The following NOVA2 variants were observed in gnomAD, a reference collection of about 807,000 sequenced individuals.
NOVA2 encodes RNA-binding protein Nova-2.
In NOVA2, 9 loss-of-function variants were observed where a neutral mutation model predicts 22.5. That is an observed-to-expected ratio of 0.40 (90% confidence interval 0.24 to 0.70). The LOEUF is 0.70. Ranked by LOEUF, NOVA2 falls within the 30% of genes least tolerant of loss-of-function variation. The pLI is 0.38. For synonymous variants in NOVA2, 318 were observed against 335.2 expected, an observed-to-expected ratio of 0.95 and a Z score of 0.56; for missense variants, 383 against 682.8, an observed-to-expected ratio of 0.56 and a Z score of 4.89.
rs963148082 is a variant in NOVA2 at position 45,937,968 on chromosome 19, CAA to C, written c.*1893_*1894del. 1.3e-5 allele frequency: 2 copies of C among 151,958 alleles called. No homozygotes were observed. The highest frequency in any genetic ancestry group is 4.8e-5 in the African/African-American group (2 of 41,372). 9.4% of individuals were successfully genotyped at this position (151,958 alleles called of 1,614,324 possible). A position where few individuals can be genotyped will look rare whatever the true frequency, so the allele number is the denominator to read the frequency against. On this transcript the variant is annotated 3_prime_UTR_variant, in exon 4 of 4. Coordinates refer to ENST00000263257, the MANE Select transcript of NOVA2 (RefSeq NM_002516.4). ...AGAGACAAGGAGGCTGGATTTCCCC[CAA>C]AGTCATAGAGAAGAAAAGGGTTTGG...
intron 1 of NOVA2, among the ~76,000 whole-genome samples, chr19:45,963,368 TTG>T (rs1015902800): frequency 1.0e-4 from 15 of 149,878 alleles, no homozygotes; most frequent in African/African-American, 3.7e-4. Flanking sequence ...TGGCGACCCT[TTG>T]TGACTTGGCC....
intron 1 of NOVA2, among the ~76,000 whole-genome samples, 169 bp from the exon 2 acceptor site, chr19:45,961,322 G>T (rs529991637): frequency 6.6e-5 from 10 of 152,290 alleles, no homozygotes; most frequent in South Asian, 6.2e-4. Context: ...CACCTGCTAC[G>T]TGCCTGGCAC....
At chr19:45,941,586 C>T (rs1235610609) in intron 3 of NOVA2, among the ~76,000 whole-genome samples, 2 of 151,858 alleles carry the variant, frequency 1.3e-5, no homozygotes, top group Non-Finnish European at 2.9e-5. Flanking sequence ...TATGGTCCAA[C>T]TGGTTGTTAA....
At chr19:45,963,594 C>T (rs112687348) in intron 1 of NOVA2, among the ~76,000 whole-genome samples, 12,624 of 150,688 alleles carry the variant, frequency 0.084, 1,373 homozygotes, top group African/African-American at 0.24. Flanking sequence ...TGCAGTGGCG[C>T]GATCTCGGCT....
chr19:45,954,051 T>A, intron 2 of NOVA2, 105 bp from the exon 3 acceptor site: 1 of 1,245,340 alleles, frequency 8.0e-7, no homozygotes, highest in East Asian at 2.3e-5. Context: ...GTCCAGAGAG[T>A]GGACCTGACT....
At chr19:45,962,525 G>C (rs1465011464) in intron 1 of NOVA2, 3 of 152,526 alleles carry the variant, frequency 2.0e-5, no homozygotes, top group Non-Finnish European at 4.4e-5. Context: ...TCCACTCCTG[G>C]GGGGACCAAC....
rs1968221551 is a variant in NOVA2 at position 45,970,620 on chromosome 19, C to T, written c.85+2647G>A. Among the ~76,000 whole-genome samples the T allele has an allele frequency of 2.0e-5, 3 of 152,108 alleles. No individual in the cohort carries two copies. The South Asian group carries it at 6.2e-4, about 32-fold the overall frequency. On this transcript the variant is annotated intron_variant, in intron 1 of 3. Transcript: ENST00000263257. The stretch of plus-strand genomic sequence containing the variant: ...TGAACTCCTGACCTCAAATGATCCA[C>T]CCGCCTCAGCCTATCAAAGTGCTGG...
At chr19:45,966,457 G>A (rs1027321568) in intron 1 of NOVA2, among the ~76,000 whole-genome samples, 4 of 151,988 alleles carry the variant, frequency 2.6e-5, no homozygotes, top group East Asian at 1.9e-4. Flanking sequence ...TAGTAGAGAC[G>A]GGGTTTCACC....
intron 1 of NOVA2, among the ~76,000 whole-genome samples, chr19:45,963,074 G>C (rs1190482320): frequency 6.6e-6 from 1 of 152,000 alleles, no homozygotes; most frequent in Non-Finnish European, 1.5e-5. Flanking sequence ...ACACTTCTCA[G>C]TATAAGAAGA....
intron 2 of NOVA2, among the ~76,000 whole-genome samples, chr19:45,958,975 C>G (rs2146421083): frequency 6.6e-6 from 1 of 152,312 alleles, no homozygotes; most frequent in East Asian, 1.9e-4. Context: ...TGGGTCATCA[C>G]TGGTGTGACG....
At chr19:45,969,696 G>C (rs1568674232) in intron 1 of NOVA2, among the ~76,000 whole-genome samples, 1 of 151,924 alleles carries the variant, frequency 6.6e-6, no homozygotes, top group Non-Finnish European at 1.5e-5. Context: ...TAAGAGTTAC[G>C]ATCTGTATCA....
In NOVA2 at chr19:45,953,958, G is replaced by A. The variant is rs772097915; in HGVS notation, c.230-12C>T. 1.2e-6 allele frequency: 2 copies of A among 1,613,328 alleles called. No homozygotes were observed. The highest frequency in any genetic ancestry group is 2.7e-5 in the African/African-American group (2 of 74,896). ...CCGCTCTGTGGTTCCTGTTGAGCAA[G>A]GGAGAGAGAGGGCACACTCATGAGA... On this transcript the variant is annotated splice_polypyrimidine_tract_variant and intron_variant, in intron 2 of 3. Transcript: ENST00000263257.
At chr19:45,956,846 G>C (rs1968013296) in intron 2 of NOVA2, among the ~76,000 whole-genome samples, 1 of 152,196 alleles carries the variant, frequency 6.6e-6, no homozygotes, top group Admixed American at 6.5e-5. Context: ...CCGAGGCACA[G>C]AGAGGGCTCA....
chr19:45,940,575 G>T lies in NOVA2; in HGVS notation c.767C>A (p.Ala256Asp). ...AAAASGLLGP[A>D]GLAGVGAFPA... ...AAAGGCCCCCACGCCAGCCAGCCCG[G>T]CGGGGCCCAGCAGGCCGGAGGCGGC... Residue 256 changes from alanine to aspartate, a missense_variant, in exon 4 of 4, where the codon GCC becomes GAC. Transcript: ENST00000263257. 2.1e-6 allele frequency: 3 copies of T among 1,446,822 alleles called. No homozygotes were observed. The highest frequency in any genetic ancestry group is 2.7e-6 in the Non-Finnish European group (3 of 1,103,232). The allele number at this position is 1,446,822 out of a possible 1,614,324, so 89.6% of individuals were successfully genotyped here.
chr19:45,934,261 G>T lies in NOVA2; in HGVS notation c.*5602C>A, dbSNP rs1467185273. 1 of 152,316 alleles carries T rather than the reference G, an allele frequency of 6.6e-6. No homozygotes were observed. Among genetic ancestry groups the T allele is most frequent in the Non-Finnish European group, 1.5e-5 (1 of 68,152 alleles). 9.4% of individuals were successfully genotyped at this position (152,316 alleles called of 1,614,324 possible). ...ATTTAGCAATCGGTTCTCCAAAGAT[G>T]GCCCTGCAGCCTCCCCTGTCCCCCA... On this transcript the variant is annotated 3_prime_UTR_variant, in exon 4 of 4. Transcript: ENST00000263257.
rs1967624125 is a variant in NOVA2 at position 45,933,830 on chromosome 19, G to A, written c.*6033C>T. The A allele has an allele frequency of 6.6e-6, 1 of 151,224 alleles. No individual in the cohort carries two copies. The highest frequency in any genetic ancestry group is 2.4e-5 in the African/African-American group (1 of 41,120). 9.4% of individuals were successfully genotyped at this position (151,224 alleles called of 1,614,324 possible). ...TGGTGGGGGCTGGGGTGGGGGCCAT[G>A]GAAGCTAATACATGGTGCACTAGGT... On this transcript the variant is annotated 3_prime_UTR_variant, in exon 4 of 4. Coordinates refer to ENST00000263257, the MANE Select transcript of NOVA2 (RefSeq NM_002516.4).
intron 3 of NOVA2, among the ~76,000 whole-genome samples, chr19:45,953,097 C>T (rs1488907493): frequency 1.3e-5 from 2 of 152,322 alleles, no homozygotes; most frequent in East Asian, 3.9e-4. Context: ...CTTCCGGGTC[C>T]GGACAGCGCT....
Position 45,940,613 on chromosome 19 carries a change from T to C in NOVA2, c.729A>G (p.Ala243=). ...SPADVLPAAA[A]ASAAAASGLL... ...GGCCGGAGGCGGCGGCGGCCGACGC[T>C]GCGGCCGCGGCTGGCAGCACATCCG... The change falls in exon 4 of 4, where the codon GCA becomes GCG. Residue 243 remains alanine (A), a synonymous_variant. Coordinates refer to ENST00000263257, the MANE Select transcript of NOVA2 (RefSeq NM_002516.4). The C allele has an allele frequency of 7.0e-7, 1 of 1,434,490 alleles. No homozygotes were observed. The highest frequency in any genetic ancestry group is 2.8e-5 in the East Asian group (1 of 36,116). 88.9% of individuals were successfully genotyped at this position (1,434,490 alleles called of 1,614,324 possible). A position where few individuals can be genotyped will look rare whatever the true frequency, so the allele number is the denominator to read the frequency against.
intron 3 of NOVA2, among the ~76,000 whole-genome samples, chr19:45,948,522 C>G (rs1967874531): frequency 6.6e-6 from 1 of 151,084 alleles, no homozygotes; most frequent in Non-Finnish European, 1.5e-5. Context: ...ATGGCGTGAA[C>G]CCGGGAGGGG....
Sources: gnomAD v4.1 joint callset for allele counts (sites outside exome capture counted in the v4.1 genomes callset) on GRCh38, gnomAD v4.1.1 for gene constraint, MANE v1.5 for transcripts, NCBI Gene and HGNC (gene_info 2026-07-23, HGNC 2026-07-21) for gene names.